NCOR2: variants seen among roughly 807,000 people sequenced by gnomAD.
NCOR2 encodes nuclear receptor corepressor 2, also known as CTG repeat protein 26.
NCOR2 carries 81 observed loss-of-function variants against 262.9 expected under a neutral mutation model. That is an observed-to-expected ratio of 0.31 (90% CI 0.26 to 0.37). NCOR2 has a LOEUF of 0.37. Ranked by LOEUF, NCOR2 falls within the 10% of genes least tolerant of loss-of-function variation. The pLI is 1.00. For missense variants in NCOR2, 3,385 were observed against 3,621.4 expected, an observed-to-expected ratio of 0.93 and a Z score of 1.68; for synonymous variants, 1,659 against 1,559.3, an observed-to-expected ratio of 1.06 and a Z score of -1.51.
intron 10 of NCOR2, 132 bp from the exon 13 acceptor site, chr12:124,426,932 G>T: frequency 1.3e-6 from 1 of 742,334 alleles, no homozygotes; most frequent in Non-Finnish European, 2.1e-6. Flanking sequence ...CCAAGGAGAA[G>T]GAGAATGATG....
intron 1 of NCOR2, among the ~76,000 whole-genome samples, chr12:124,518,615 G>A (rs2049978611): frequency 6.6e-6 from 1 of 152,290 alleles, no homozygotes; most frequent in African/African-American, 2.4e-5. Context: ...CTCTTGTTTG[G>A]AAGCCAAAAG....
chr12:124,348,332 C>T lies in NCOR2; in HGVS notation c.3845-18G>A. ...CATGCCACCTGGAAACCACACAAAGCACTCGGTGAGGAGCTGGGCACGGGC... is the reference window on the plus strand; with the variant it reads ...CATGCCACCTGGAAACCACACAAAGTACTCGGTGAGGAGCTGGGCACGGGC... On this transcript the variant is annotated intron_variant, in intron 28 of 46. Transcript: ENST00000405201. The T allele has an allele frequency of 1.3e-6, 2 of 1,592,470 alleles. No homozygotes were observed. Among genetic ancestry groups the T allele is most frequent in the East Asian group, 2.2e-5 (1 of 44,642 alleles).
At chr12:124,511,723 T>C (rs2049405849) in intron 1 of NCOR2, among the ~76,000 whole-genome samples, 1 of 152,106 alleles carries the variant, frequency 6.6e-6, no homozygotes, top group Non-Finnish European at 1.5e-5. Context: ...TGGGGCTTCA[T>C]GCACTCCCAG....
At chr12:124,486,533 G>T in exon 2 of NCOR2, 3 of 1,595,560 alleles carry the variant, frequency 1.9e-6, no homozygotes, top group East Asian at 2.3e-5. Context: ...AGGCATAGTC[G>T]CGGGAGTGGT....
At chr12:124,351,974 G>A (rs758454544) in intron 27 of NCOR2, among the ~76,000 whole-genome samples, 3 of 152,156 alleles carry the variant, frequency 2.0e-5, no homozygotes, top group African/African-American at 2.4e-5. Flanking sequence ...CTGGTACCCC[G>A]GGGAGTTCAC....
chr12:124,444,930 G>A (rs572928883), intron 7 of NCOR2, among the ~76,000 whole-genome samples: 1 of 152,186 alleles, frequency 6.6e-6, no homozygotes, highest in African/African-American at 2.4e-5. Flanking sequence ...GTGACCCTGG[G>A]GGAGTCATCT....
chr12:124,330,539 G>C (rs528048443), intron 44 of NCOR2, among the ~76,000 whole-genome samples: 2 of 152,334 alleles, frequency 1.3e-5, no homozygotes, highest in East Asian at 3.9e-4. Context: ...TGCATCTCCA[G>C]CTGAGGCTGG....
intron 13 of NCOR2, among the ~76,000 whole-genome samples, chr12:124,402,765 T>C (rs1430151926): frequency 6.6e-6 from 1 of 152,004 alleles, no homozygotes; most frequent in African/African-American, 2.4e-5. Context: ...CTTGCCGCCC[T>C]AGGGGCCTGG....
chr12:124,364,442 A>G (rs989283834), intron 20 of NCOR2, among the ~76,000 whole-genome samples: 3 of 152,210 alleles, frequency 2.0e-5, no homozygotes, highest in Admixed American at 2.0e-4. Flanking sequence ...AGGACATGAT[A>G]ACAAGGGCCC....
At chr12:124,370,184 T>C (rs1391168780) in intron 20 of NCOR2, among the ~76,000 whole-genome samples, 1 of 152,182 alleles carries the variant, frequency 6.6e-6, no homozygotes. Flanking sequence ...TTTTCCAAGC[T>C]GGGACTGTCG....
intron 5 of NCOR2, among the ~76,000 whole-genome samples, chr12:124,462,270 G>GA (rs2046202105): frequency 6.6e-6 from 1 of 152,134 alleles, no homozygotes; most frequent in Non-Finnish European, 1.5e-5. Context: ...CCCCTGCCTG[G>GA]AAGCCCCATC....
At chr12:124,448,292 G>A (rs1273183056) in intron 7 of NCOR2, among the ~76,000 whole-genome samples, 1 of 152,204 alleles carries the variant, frequency 6.6e-6, no homozygotes, top group East Asian at 1.9e-4. Flanking sequence ...CCCCAGACAG[G>A]GGCCCCAGAG....
intron 1 of NCOR2, among the ~76,000 whole-genome samples, chr12:124,509,266 C>G (rs2049258064): frequency 6.8e-6 from 1 of 146,104 alleles, no homozygotes; most frequent in Admixed American, 6.9e-5. Context: ...TCTGAACTCT[C>G]AAGCTGAGGC....
At chr12:124,391,947 C>T (rs540873372) in intron 16 of NCOR2, among the ~76,000 whole-genome samples, 1 of 152,368 alleles carries the variant, frequency 6.6e-6, no homozygotes, top group East Asian at 1.9e-4. Flanking sequence ...CAGACCACCC[C>T]ATGCCCTGTG....
intron 18 of NCOR2, among the ~76,000 whole-genome samples, chr12:124,376,640 C>T (rs985996431): frequency 2.6e-5 from 4 of 152,222 alleles, no homozygotes; most frequent in African/African-American, 9.7e-5. Context: ...ATGAGTCACC[C>T]AAGGGCCCAG....
chr12:124,330,455 C>G (rs1377809129), intron 44 of NCOR2, among the ~76,000 whole-genome samples: 1 of 152,276 alleles, frequency 6.6e-6, no homozygotes, highest in East Asian at 1.9e-4. Context: ...GAATGAAGCT[C>G]TAGCTATAAC....
intron 7 of NCOR2, among the ~76,000 whole-genome samples, chr12:124,445,417 C>T (rs542632239): frequency 1.3e-5 from 2 of 152,302 alleles, no homozygotes; most frequent in South Asian, 2.1e-4. Flanking sequence ...GGTGGGAGGG[C>T]GGCGGAGGCG....
intron 22 of NCOR2, among the ~76,000 whole-genome samples, chr12:124,359,468 C>T (rs922085014): frequency 1.3e-5 from 2 of 152,264 alleles, no homozygotes; most frequent in Non-Finnish European, 2.9e-5. Flanking sequence ...TTCCCCTGGA[C>T]TTGTGCCCTG....
In NCOR2 at chr12:124,381,482, G is replaced by C. The variant is rs544525480; in HGVS notation, c.2020-3098C>G. Among the ~76,000 whole-genome samples, 21 of 152,104 alleles carry C rather than the reference G, an allele frequency of 1.4e-4. No individual in the cohort carries two copies. The South Asian group carries it at 3.3e-3, about 24-fold the overall frequency. On this transcript the variant is annotated intron_variant, in intron 17 of 46. Coordinates refer to ENST00000405201, the Ensembl canonical transcript of NCOR2. ...CCTGTCTCTCGCACCAGCTCCTCAA[G>C]GGCTGGGATCTTTGTTCTCTGCTGT...
Sources: allele counts gnomAD v4.1 joint callset (sites outside exome capture counted in the v4.1 genomes callset), GRCh38; gene constraint gnomAD v4.1.1; transcripts MANE v1.5; gene names NCBI Gene and HGNC (gene_info 2026-07-23, HGNC 2026-07-21).